The following MON2 variants were observed in gnomAD, a reference collection of about 807,000 sequenced individuals.
MON2 encodes MON2 regulator of endosome-to-Golgi trafficking, also known as protein MON2 homolog.
A neutral mutation model predicts 208.6 loss-of-function variants in MON2; 84 were observed. That is an observed-to-expected ratio of 0.40 (90% confidence interval 0.34 to 0.48). MON2 has a LOEUF of 0.48. Among genes scored for constraint, MON2 ranks in the 20% least tolerant of loss-of-function variants. The pLI, the probability that MON2 is intolerant of heterozygous loss-of-function variation, is 0.59. For synonymous variants in MON2, 660 were observed against 694.0 expected (o/e 0.95, Z 0.77); for missense variants, 1,611 against 2,015.4 (o/e 0.80, Z 3.84).
intron 8 of MON2, among the ~76,000 whole-genome samples, chr12:62,514,792 CA>C (rs1463404450): frequency 1.3e-5 from 2 of 152,212 alleles, no homozygotes; most frequent in South Asian, 4.1e-4. Flanking sequence ...TCAACAACAA[CA>C]AAAAACTAAT....
intron 3 of MON2, among the ~76,000 whole-genome samples, 186 bp downstream of exon 3, chr12:62,494,228 T>C (rs916576344): frequency 8.5e-5 from 13 of 152,216 alleles, no homozygotes; most frequent in Non-Finnish European, 1.2e-4. Context: ...ACAAGTATTT[T>C]TGCAAGTCAT....
At chr12:62,575,005 A>G (rs1205776877) in intron 30 of MON2, among the ~76,000 whole-genome samples, 1 of 152,178 alleles carries the variant, frequency 6.6e-6, no homozygotes, top group Non-Finnish European at 1.5e-5. Context: ...ATGTGCCTGT[A>G]GTCCCAGCTA....
chr12:62,471,634 G>A (rs1174996528), intron 1 of MON2, among the ~76,000 whole-genome samples: 1 of 152,172 alleles, frequency 6.6e-6, no homozygotes, highest in Non-Finnish European at 1.5e-5. Context: ...CCATAGAATT[G>A]GATGAAATGG....
chr12:62,467,594 C>T (rs1383934070), intron 1 of MON2, among the ~76,000 whole-genome samples: 1 of 152,180 alleles, frequency 6.6e-6, no homozygotes, highest in African/African-American at 2.4e-5. Context: ...GTGCACTAGC[C>T]TATTCTGGCC....
At chr12:62,542,393 C>T (rs2073277770) in intron 19 of MON2, among the ~76,000 whole-genome samples, 1 of 152,128 alleles carries the variant, frequency 6.6e-6, no homozygotes, top group Admixed American at 6.5e-5. Context: ...GACAATGTCT[C>T]TGTTTGAAAT....
intron 32 of MON2, among the ~76,000 whole-genome samples, chr12:62,580,991 A>G (rs1374825358): frequency 6.6e-6 from 1 of 152,214 alleles, no homozygotes; most frequent in Non-Finnish European, 1.5e-5. Context: ...AACTATGTAC[A>G]AGATACTATG....
At chr12:62,585,662 C>T (rs1440897669) in intron 33 of MON2, 161 bp downstream of exon 33, 2 of 548,556 alleles carry the variant, frequency 3.6e-6, no homozygotes, top group East Asian at 5.9e-5. Context: ...CACAGGTTTT[C>T]CTGCAGATAT....
intron 29 of MON2, among the ~76,000 whole-genome samples, chr12:62,569,241 A>G (rs1173980860): frequency 6.6e-6 from 1 of 152,166 alleles, no homozygotes; most frequent in Middle Eastern, 3.2e-3. Context: ...CTTTTCTTTT[A>G]TCTTAGCTTG....
chr12:62,504,555 T>C (rs545682344), intron 7 of MON2, among the ~76,000 whole-genome samples: 1 of 152,316 alleles, frequency 6.6e-6, no homozygotes, highest in Admixed American at 6.5e-5. Context: ...CCTGTTTTTA[T>C]GGATTTATTA....
intron 29 of MON2, among the ~76,000 whole-genome samples, chr12:62,569,532 T>C (rs2074507120): frequency 1.3e-5 from 2 of 152,210 alleles, no homozygotes; most frequent in Admixed American, 1.3e-4. Flanking sequence ...ATATGTCCAA[T>C]AGGAAGAGAG....
intron 31 of MON2, among the ~76,000 whole-genome samples, chr12:62,579,592 G>C (rs970901476): frequency 1.5e-4 from 23 of 152,006 alleles, no homozygotes; most frequent in African/African-American, 3.9e-4. Flanking sequence ...TGGGCGTGGT[G>C]GTGGGCCCCT....
At chr12:62,564,901 A>G (rs2074323940) in intron 26 of MON2, 2 of 178,638 alleles carry the variant, frequency 1.1e-5, no homozygotes, top group Admixed American at 6.3e-5. Context: ...TCAGTCACAC[A>G]TTCTTAATGG....
intron 6 of MON2, among the ~76,000 whole-genome samples, chr12:62,501,366 C>T (rs1202753761): frequency 6.6e-6 from 1 of 152,080 alleles, no homozygotes; most frequent in East Asian, 1.9e-4. Context: ...TCTGTGTTGT[C>T]AGTAGTTATA....
chr12:62,486,154 T>C (rs1011821244), intron 2 of MON2, among the ~76,000 whole-genome samples: 10 of 152,118 alleles, frequency 6.6e-5, no homozygotes, highest in African/African-American at 2.4e-4. Context: ...ATTTAAAATA[T>C]TTACTGTTGC....
chr12:62,509,395 G>A (rs1197447219), intron 8 of MON2, among the ~76,000 whole-genome samples: 8 of 152,112 alleles, frequency 5.3e-5, no homozygotes, highest in African/African-American at 1.7e-4. Context: ...GATTACAGGC[G>A]TCAGCCACCA....
At chr12:62,574,862 G>T (rs907618927) in intron 30 of MON2, among the ~76,000 whole-genome samples, 23 of 152,144 alleles carry the variant, frequency 1.5e-4, no homozygotes, top group African/African-American at 5.6e-4. Flanking sequence ...GCCAACCGGA[G>T]TACGTAATCC....
chr12:62,555,954 T>G, intron 24 of MON2, 40 bp from the exon 25 acceptor site: 1 of 1,427,410 alleles, frequency 7.0e-7, no homozygotes, highest in Admixed American at 1.9e-5. Context: ...TTAAGCTATA[T>G]TATCAATGCA....
intron 32 of MON2, among the ~76,000 whole-genome samples, chr12:62,584,059 T>C (rs1166144401): frequency 6.6e-6 from 1 of 150,978 alleles, no homozygotes; most frequent in Non-Finnish European, 1.5e-5. Flanking sequence ...GAGTTGTAAA[T>C]GGAAAGGACT....
intron 4 of MON2, among the ~76,000 whole-genome samples, chr12:62,496,656 G>T (rs567137956): frequency 1.3e-5 from 2 of 152,074 alleles, no homozygotes; most frequent in East Asian, 3.9e-4. Flanking sequence ...GATTTATTAG[G>T]GCACAAAAAC....
Sources: gnomAD v4.1 joint callset for allele counts (sites outside exome capture counted in the v4.1 genomes callset) on GRCh38, gnomAD v4.1.1 for gene constraint, MANE v1.5 for transcripts, NCBI Gene and HGNC (gene_info 2026-07-23, HGNC 2026-07-21) for gene names.